The following CDH2 variants were observed in gnomAD, a reference collection of about 807,000 sequenced individuals.
CDH2 encodes cadherin-2.
Under a neutral mutation model 92.0 loss-of-function variants are expected in CDH2, and 17 were observed. The observed-to-expected ratio is 0.18, with a 90% confidence interval of 0.13 to 0.28. CDH2 has a LOEUF of 0.28. Ranked by LOEUF, CDH2 falls within the 10% of genes least tolerant of loss-of-function variation. CDH2 has a pLI of 1.00. For missense variants in CDH2, 862 were observed against 1,133.1 expected, an observed-to-expected ratio of 0.76 and a Z score of 3.44; for synonymous variants, 419 against 415.9, an observed-to-expected ratio of 1.01 and a Z score of -0.09.
chr18:28,100,920 T>G (rs1255442987), intron 2 of CDH2, among the ~76,000 whole-genome samples: 1 of 152,164 alleles, frequency 6.6e-6, no homozygotes, highest in Non-Finnish European at 1.5e-5. Flanking sequence ...TCCCACTGAA[T>G]AGCTAATACC....
At chr18:28,093,381 T>C (rs893626652) in intron 2 of CDH2, among the ~76,000 whole-genome samples, 1 of 152,142 alleles carries the variant, frequency 6.6e-6, no homozygotes, top group Non-Finnish European at 1.5e-5. Context: ...AAAGACTGTT[T>C]CCATGTAATA....
At chr18:28,094,250 G>A (rs1411981536) in intron 2 of CDH2, among the ~76,000 whole-genome samples, 1 of 152,106 alleles carries the variant, frequency 6.6e-6, no homozygotes, top group African/African-American at 2.4e-5. Flanking sequence ...ACTTTGGGAG[G>A]CTAAGGTGGG....
intron 3 of CDH2, 65 bp from the exon 4 acceptor site, chr18:28,012,057 A>G (rs2013117227): frequency 1.5e-6 from 2 of 1,335,916 alleles, no homozygotes; most frequent in South Asian, 2.6e-5. Context: ...GTACATCAAT[A>G]TTATTGAATA....
chr18:27,942,596 A>G (rs1346141396), intron 6 of CDH2, among the ~76,000 whole-genome samples: 1 of 152,218 alleles, frequency 6.6e-6, no homozygotes, highest in Non-Finnish European at 1.5e-5. Context: ...GAGTTAGTAT[A>G]TTAGAAAAAC....
At chr18:28,031,930 T>C (rs1436370880) in intron 2 of CDH2, among the ~76,000 whole-genome samples, 1 of 152,116 alleles carries the variant, frequency 6.6e-6, no homozygotes, top group Admixed American at 6.6e-5. Flanking sequence ...CTTGTTTTAT[T>C]TTTCAGCTGG....
intron 2 of CDH2, among the ~76,000 whole-genome samples, chr18:28,062,776 C>T (rs2014428235): frequency 6.6e-6 from 1 of 152,116 alleles, no homozygotes; most frequent in South Asian, 2.1e-4. Flanking sequence ...GAGTTTGAGA[C>T]CAGCCTGCCA....
rs9953828 is a variant in CDH2 at position 28,116,080 on chromosome 18, T to C, written c.172+31593A>G. Among the ~76,000 whole-genome samples the C allele has an allele frequency of 8.5e-3, 1,292 of 152,282 alleles. 12 individuals are homozygous for C. Among genetic ancestry groups the C allele is most frequent in the African/African-American group, 0.028 (1,175 of 41,570 alleles). On this transcript the variant is annotated intron_variant, in intron 2 of 15. Transcript: ENST00000269141. ...CGGTTGTCACACCTGTGAATTCTAATGGGTAGAGGTCAGGAATGCTGCTAA... is the reference window on the plus strand; with the variant it reads ...CGGTTGTCACACCTGTGAATTCTAACGGGTAGAGGTCAGGAATGCTGCTAA...
At chr18:27,962,446 A>G (rs2011432337) in intron 15 of CDH2, among the ~76,000 whole-genome samples, 1 of 152,200 alleles carries the variant, frequency 6.6e-6, no homozygotes, top group Non-Finnish European at 1.5e-5. Context: ...TATGTTTAAT[A>G]TTATATGAAT....
intron 1 of CDH2, among the ~76,000 whole-genome samples, chr18:28,162,762 C>T (rs1228338638): frequency 6.6e-6 from 1 of 152,190 alleles, no homozygotes; most frequent in East Asian, 1.9e-4. Context: ...AAAGCCCTGG[C>T]CAGCCACCTC....
At chr18:28,175,036 G>C (rs1298186780) in intron 1 of CDH2, among the ~76,000 whole-genome samples, 1 of 152,204 alleles carries the variant, frequency 6.6e-6, no homozygotes, top group Non-Finnish European at 1.5e-5. Context: ...TACTTTAGAA[G>C]CAGGACTTTT....
intron 14 of CDH2, among the ~76,000 whole-genome samples, chr18:27,982,297 TATGCAATCCCATACGCACATAGTGATATA>T: frequency 6.6e-6 from 1 of 152,156 alleles, no homozygotes; most frequent in Non-Finnish European, 1.5e-5. Flanking sequence ...CTTGAAGAGG[TATGCAATCCCATACGCACATAGTGATATA>T]GGTTCACATT....
intron 14 of CDH2, among the ~76,000 whole-genome samples, chr18:27,965,770 GT>G (rs1403482929): frequency 6.6e-6 from 1 of 151,946 alleles, no homozygotes; most frequent in Non-Finnish European, 1.5e-5. Flanking sequence ...AGATCATAAG[GT>G]CAGGAGTTCA....
chr18:28,172,467 C>A (rs1021627647), intron 1 of CDH2, among the ~76,000 whole-genome samples: 1 of 151,966 alleles, frequency 6.6e-6, no homozygotes, highest in Non-Finnish European at 1.5e-5. Flanking sequence ...AGCATCTGCT[C>A]AAATTAACTG....
At chr18:28,005,347 C>G (rs2012884674) in intron 6 of CDH2, among the ~76,000 whole-genome samples, 1 of 152,148 alleles carries the variant, frequency 6.6e-6, no homozygotes, top group Admixed American at 6.5e-5. Context: ...TCCTGTGGAG[C>G]TAGAGGGCAG....
In CDH2 at chr18:28,005,565, C is replaced by A. The variant is rs563434668; in HGVS notation, c.847+284G>T. 5.3e-5 allele frequency among the ~76,000 whole-genome samples: 8 copies of A among 152,154 alleles called. No homozygotes were observed. The South Asian group carries it at 1.7e-3, about 32-fold the overall frequency. ...ATTGGCTGTATCAACTAAAGCAGAA[C>A]GAAAGGATCCTATGTATTCCACAGG... is the stretch of plus-strand genomic sequence containing the variant. On this transcript the variant is annotated intron_variant, in intron 6 of 15. Coordinates refer to ENST00000269141, the MANE Select transcript of CDH2 (RefSeq NM_001792.5).
At chr18:28,157,047 G>A (rs2016230578) in intron 1 of CDH2, among the ~76,000 whole-genome samples, 1 of 152,194 alleles carries the variant, frequency 6.6e-6, no homozygotes, top group South Asian at 2.1e-4. Context: ...GTAACAGGTA[G>A]TAACAATGTA....
At chr18:27,955,761 G>GTTTTTTTTTTCTTTTTTTTTTTTTTTTT (rs2011230160) in intron 15 of CDH2, among the ~76,000 whole-genome samples, 1 of 111,716 alleles carries the variant, frequency 9.0e-6, no homozygotes, top group Non-Finnish European at 1.8e-5. Context: ...CTTTATTTCT[G>GTTTTTTTTTTCTTTTTTTTTTTTTTTTT]TTTTTTTTTT....
intron 7 of CDH2, among the ~76,000 whole-genome samples, chr18:27,995,881 T>C (rs1488698528): frequency 6.6e-6 from 1 of 152,192 alleles, no homozygotes; most frequent in Non-Finnish European, 1.5e-5. Context: ...AAAACATTCT[T>C]ATATTTAGTA....
intron 2 of CDH2, among the ~76,000 whole-genome samples, chr18:28,023,849 G>T (rs1007553232): frequency 6.6e-6 from 1 of 152,018 alleles, no homozygotes; most frequent in African/African-American, 2.4e-5. Flanking sequence ...TGCCCTCACT[G>T]CCTGTTCTGA....
Sources: allele counts gnomAD v4.1 joint callset (sites outside exome capture counted in the v4.1 genomes callset), GRCh38; gene constraint gnomAD v4.1.1; transcripts MANE v1.5; gene names NCBI Gene and HGNC (gene_info 2026-07-23, HGNC 2026-07-21).